The following TBC1D22A variants were observed in gnomAD, a reference collection of about 807,000 sequenced individuals.
TBC1D22A encodes TBC1 domain family member 22A.
A neutral mutation model predicts 60.2 loss-of-function variants in TBC1D22A; 38 were observed. That is an observed-to-expected ratio of 0.63 (90% CI 0.49 to 0.83). The LOEUF (loss-of-function observed/expected upper bound fraction) is 0.83. Ranked by LOEUF, TBC1D22A falls within the 40% of genes least tolerant of loss-of-function variation. The pLI is 0.00. For synonymous variants in TBC1D22A, 302 were observed against 281.7 expected (o/e 1.07, Z -0.72); for missense variants, 628 against 701.0 (o/e 0.90, Z 1.18).
chr22:47,124,315 T>C (rs2066375846), intron 12 of TBC1D22A, among the ~76,000 whole-genome samples: 1 of 152,124 alleles, frequency 6.6e-6, no homozygotes, highest in Non-Finnish European at 1.5e-5. Flanking sequence ...TGGGCTCAGC[T>C]GTGAGGAGGG....
At chr22:46,894,574 G>A (rs1198257183) in intron 6 of TBC1D22A, among the ~76,000 whole-genome samples, 1 of 152,176 alleles carries the variant, frequency 6.6e-6, no homozygotes, top group African/African-American at 2.4e-5. Flanking sequence ...CAAGCCTGTC[G>A]CCTAGGCCTG....
intron 4 of TBC1D22A, 110 bp downstream of exon 4, chr22:46,797,730 G>T: frequency 8.5e-7 from 1 of 1,176,764 alleles, no homozygotes; most frequent in East Asian, 3.0e-5. Context: ...ACGCGTCCGT[G>T]TGTAATTTGC....
chr22:47,095,563 G>A (rs12628965), intron 11 of TBC1D22A, among the ~76,000 whole-genome samples: 8,408 of 152,246 alleles, frequency 0.055, 314 homozygotes, highest in Admixed American at 0.12. Flanking sequence ...AACTAAATCC[G>A]CCACAGAACG....
intron 4 of TBC1D22A, among the ~76,000 whole-genome samples, chr22:46,847,054 A>ATC (rs1397858113): frequency 6.6e-6 from 1 of 152,146 alleles, no homozygotes; most frequent in East Asian, 1.9e-4. Context: ...AGCCTTCCTT[A>ATC]TCGGCTGTGC....
chr22:46,965,428 C>T (rs73890515), intron 8 of TBC1D22A, among the ~76,000 whole-genome samples: 3,943 of 152,320 alleles, frequency 0.026, 143 homozygotes, highest in African/African-American at 0.085. Context: ...GCCCCCGTCT[C>T]GGTACCGGCT....
chr22:46,790,204 C>T (rs530906903), intron 1 of TBC1D22A, among the ~76,000 whole-genome samples: 51 of 152,364 alleles, frequency 3.3e-4, no homozygotes, highest in East Asian at 1.2e-3. Context: ...CTCTCCAGCT[C>T]CAGGAAGCCG....
rs1191629256 is a variant in TBC1D22A, at chr22:46,941,184, AAT to A, written c.1015+29007_1015+29008del. ...AACAGCATGGGGACTGGGACACTAG[AAT>A]ATATATATATGTATATATGTATACA... On this transcript the variant is annotated intron_variant, in intron 8 of 12. Coordinates refer to ENST00000337137, the MANE Select transcript of TBC1D22A (RefSeq NM_014346.5). 1.0e-3 allele frequency among the ~76,000 whole-genome samples: 99 copies of A among 98,456 alleles called. 1 individual carries two copies. The highest frequency in any genetic ancestry group is 2.3e-3 in the African/African-American group (56 of 23,918). 64.6% of individuals were successfully genotyped at this position (98,456 alleles called of 152,430 possible). A position where few individuals can be genotyped will look rare whatever the true frequency, so the allele number is the denominator to read the frequency against.
chr22:46,823,822 G>C (rs1477169805), intron 4 of TBC1D22A, among the ~76,000 whole-genome samples: 2 of 152,302 alleles, frequency 1.3e-5, no homozygotes, highest in Admixed American at 1.3e-4. Context: ...CGTCACAGGA[G>C]CCGGGAGTGC....
At chr22:46,982,910 A>G (rs567677356) in intron 9 of TBC1D22A, among the ~76,000 whole-genome samples, 1 of 152,128 alleles carries the variant, frequency 6.6e-6, no homozygotes, top group Non-Finnish European at 1.5e-5. Flanking sequence ...GCTGCTTAGA[A>G]ATGTCTGGGG....
intron 9 of TBC1D22A, among the ~76,000 whole-genome samples, chr22:46,976,293 C>T (rs932376412): frequency 7.2e-5 from 11 of 152,196 alleles, no homozygotes; most frequent in Non-Finnish European, 1.5e-4. Flanking sequence ...TCATGCTTTC[C>T]TGGCGCGTGT....
At position 47,026,658 on chromosome 22, in the gene TBC1D22A, A is replaced by T. The variant is rs557823787; in HGVS notation, c.1202-10413A>T. ...TTGAATGAGCAATACAATTTATAAT[A>T]GCATGAAAATGTGAAATATTTAGGG... On this transcript the variant is annotated intron_variant, in intron 10 of 12. Transcript: ENST00000337137. Among the ~76,000 whole-genome samples the T allele has an allele frequency of 1.4e-4, 22 of 152,370 alleles. No homozygotes were observed. In the South Asian group the frequency reaches 4.6e-3, roughly 32 times the overall value.
At chr22:46,904,100 T>TATCA (rs1569199160) in intron 7 of TBC1D22A, among the ~76,000 whole-genome samples, 10 of 48,548 alleles carry the variant, frequency 2.1e-4, no homozygotes, top group African/African-American at 5.0e-4. Flanking sequence ...AAATAAAATC[T>TATCA]ATCTATCTAT....
intron 12 of TBC1D22A, among the ~76,000 whole-genome samples, chr22:47,165,758 G>GC (rs1216425674): frequency 6.6e-5 from 10 of 152,042 alleles, no homozygotes; most frequent in African/African-American, 2.2e-4. Context: ...CTGCTGCCCT[G>GC]CCCCCCGGAC....
intron 10 of TBC1D22A, among the ~76,000 whole-genome samples, chr22:47,002,092 G>A (rs546106065): frequency 4.6e-5 from 7 of 152,058 alleles, no homozygotes; most frequent in Admixed American, 2.0e-4. Flanking sequence ...TCAACAGTTC[G>A]CACCAATTAT....
chr22:47,153,222 C>A (rs954828551), intron 12 of TBC1D22A, among the ~76,000 whole-genome samples: 2 of 152,214 alleles, frequency 1.3e-5, no homozygotes, highest in Non-Finnish European at 2.9e-5. Context: ...CTATAAGCTT[C>A]TCCTGAATTC....
At chr22:46,922,836 CTA>C (rs1181298954) in intron 8 of TBC1D22A, among the ~76,000 whole-genome samples, 2 of 152,156 alleles carry the variant, frequency 1.3e-5, no homozygotes, top group Non-Finnish European at 2.9e-5. Context: ...TGGGCAGAGA[CTA>C]TGGGGTTTTC....
At chr22:46,935,980 G>A (rs1004091294) in intron 8 of TBC1D22A, among the ~76,000 whole-genome samples, 2 of 152,248 alleles carry the variant, frequency 1.3e-5, no homozygotes, top group Non-Finnish European at 2.9e-5. Context: ...CTGAAGCGCT[G>A]TGCTTATGCA....
At chr22:46,826,965 C>T (rs1483501548) in intron 4 of TBC1D22A, among the ~76,000 whole-genome samples, 1 of 149,998 alleles carries the variant, frequency 6.7e-6, no homozygotes, top group East Asian at 2.0e-4. Context: ...TTTTGAAAGA[C>T]AGATTAGCTC....
At chr22:46,947,880 CTTTGGGGACCTG>C (rs2072650268) in intron 8 of TBC1D22A, among the ~76,000 whole-genome samples, 1 of 152,214 alleles carries the variant, frequency 6.6e-6, no homozygotes, top group African/African-American at 2.4e-5. Flanking sequence ...CTGTTGCTAA[CTTTGGGGACCTG>C]TTTGTTTAGC....
Sources: gnomAD v4.1 joint callset for allele counts (sites outside exome capture counted in the v4.1 genomes callset) on GRCh38, gnomAD v4.1.1 for gene constraint, MANE v1.5 for transcripts, NCBI Gene and HGNC (gene_info 2026-07-23, HGNC 2026-07-21) for gene names.